PTPRT: variants seen among roughly 807,000 people sequenced by gnomAD.
PTPRT encodes the protein receptor-type tyrosine-protein phosphatase T.
PTPRT carries 56 observed loss-of-function variants against 176.8 expected under a neutral mutation model. The ratio of observed to expected loss-of-function variants is 0.32; its 90% confidence interval spans 0.26 to 0.40. The LOEUF (loss-of-function observed/expected upper bound fraction) is 0.40, where lower values mean the gene tolerates loss of function less well. Ranked by LOEUF, PTPRT falls within the 10% of genes least tolerant of loss-of-function variation. The probability of loss-of-function intolerance (pLI) is 1.00; values close to 1 mark genes in which losing one functional copy is unlikely to be tolerated. For missense variants in PTPRT, 1,540 were observed against 1,908.2 expected, an observed-to-expected ratio of 0.81 and a Z score of 3.60; for synonymous variants, 783 against 739.0, an observed-to-expected ratio of 1.06 and a Z score of -0.96.
intron 7 of PTPRT, among the ~76,000 whole-genome samples, chr20:42,657,938 T>C (rs1178423766): frequency 8.6e-5 from 13 of 151,878 alleles, no homozygotes; most frequent in African/African-American, 2.7e-4. Context: ...TTTTTTTTTT[T>C]TACCTTTTCT....
chr20:42,241,300 T>C (rs1188774873), intron 14 of PTPRT, among the ~76,000 whole-genome samples: 4 of 151,878 alleles, frequency 2.6e-5, no homozygotes, highest in East Asian at 3.9e-4. Context: ...AGAAGTCAGA[T>C]GGAGGAGAGG....
intron 28 of PTPRT, 93 bp from the exon 29 acceptor site, chr20:42,084,938 A>T (rs996811349): frequency 7.3e-5 from 81 of 1,109,590 alleles, no homozygotes; most frequent in Non-Finnish European, 9.4e-5. Flanking sequence ...ATCATGGTGG[A>T]AGACAGACCA....
chr20:42,120,934 A>T (rs1987554918), intron 19 of PTPRT, among the ~76,000 whole-genome samples: 1 of 152,228 alleles, frequency 6.6e-6, no homozygotes, highest in Admixed American at 6.5e-5. Flanking sequence ...AAATCCACTT[A>T]GCTTTTATGG....
intron 19 of PTPRT, among the ~76,000 whole-genome samples, chr20:42,121,703 AT>A (rs1257525022): frequency 2.1e-4 from 31 of 148,530 alleles, no homozygotes; most frequent in Non-Finnish European, 7.4e-5. Context: ...TTTTTTATAT[AT>A]ATATATATAT....
At chr20:42,446,769 T>G (rs2145848389) in intron 9 of PTPRT, among the ~76,000 whole-genome samples, 1 of 152,264 alleles carries the variant, frequency 6.6e-6, no homozygotes, top group South Asian at 2.1e-4. Flanking sequence ...TATGAGTACC[T>G]GCCCTCCTCT....
chr20:42,338,615 T>C (rs567222553), intron 11 of PTPRT, among the ~76,000 whole-genome samples: 16 of 152,284 alleles, frequency 1.1e-4, no homozygotes, highest in African/African-American at 3.6e-4. Flanking sequence ...AATTGAACAA[T>C]AGGCTGAAAC....
intron 7 of PTPRT, among the ~76,000 whole-genome samples, chr20:42,514,966 C>A (rs2072033798): frequency 6.6e-6 from 1 of 152,154 alleles, no homozygotes; most frequent in African/African-American, 2.4e-5. Context: ...GGGAGGGCAG[C>A]AATCTTCATG....
intron 15 of PTPRT, among the ~76,000 whole-genome samples, chr20:42,232,322 A>C (rs2056150298): frequency 6.6e-6 from 1 of 152,240 alleles, no homozygotes; most frequent in South Asian, 2.1e-4. Context: ...CCTATTTTAT[A>C]GATAAGACAA....
At chr20:42,298,605 C>A (rs1318891675) in intron 12 of PTPRT, among the ~76,000 whole-genome samples, 1 of 152,122 alleles carries the variant, frequency 6.6e-6, no homozygotes, top group Non-Finnish European at 1.5e-5. Flanking sequence ...ATGAGAGTGG[C>A]CAAATAAACA....
chr20:42,657,558 T>C (rs1008316543), intron 7 of PTPRT, among the ~76,000 whole-genome samples: 12 of 151,056 alleles, frequency 7.9e-5, no homozygotes, highest in African/African-American at 2.7e-4. Flanking sequence ...CATTTATTAG[T>C]ATGGCTTTGT....
chr20:42,833,593 A>G lies in PTPRT; in HGVS notation c.215-42127T>C, dbSNP rs180788160. 2.5e-3 allele frequency among the ~76,000 whole-genome samples: 387 copies of G among 151,924 alleles called. 2 individuals are homozygous for G. The highest frequency in any genetic ancestry group is 2.8e-3 in the Admixed American group (43 of 15,212). On this transcript the variant is annotated intron_variant, in intron 2 of 30. Coordinates refer to ENST00000373187, the MANE Select transcript of PTPRT (RefSeq NM_007050.6). ...GCGAGGCCCCATCTCATTTAAGGAAAAAAAGACTAAACATTTACAAGATAA... is the reference window on the plus strand; with the variant it reads ...GCGAGGCCCCATCTCATTTAAGGAAGAAAAGACTAAACATTTACAAGATAA...
intron 9 of PTPRT, among the ~76,000 whole-genome samples, chr20:42,437,142 C>G (rs1461406639): frequency 6.6e-6 from 1 of 152,132 alleles, no homozygotes; most frequent in Non-Finnish European, 1.5e-5. Context: ...GTGTTGTCAG[C>G]ATTCTGGTTG....
chr20:42,338,162 T>C (rs933420102), intron 11 of PTPRT, among the ~76,000 whole-genome samples: 2 of 152,250 alleles, frequency 1.3e-5, no homozygotes, highest in African/African-American at 4.8e-5. Context: ...AGTTTATGCT[T>C]TTTCAATTAG....
chr20:42,589,138 C>T (rs1056862158), intron 7 of PTPRT, among the ~76,000 whole-genome samples: 52 of 152,276 alleles, frequency 3.4e-4, no homozygotes, highest in South Asian at 1.0e-3. Flanking sequence ...TGGGCAGCAG[C>T]GAACCCCACT....
intron 24 of PTPRT, among the ~76,000 whole-genome samples, chr20:42,105,881 T>C (rs1318965600): frequency 6.6e-6 from 1 of 152,182 alleles, no homozygotes; most frequent in Non-Finnish European, 1.5e-5. Context: ...TCCCTATCTG[T>C]CCCAGCTCTG....
At chr20:42,034,045 G>A in the PTPRT span, among the ~76,000 whole-genome samples, 2 of 152,060 alleles carry the variant, frequency 1.3e-5, no homozygotes, top group Admixed American at 6.5e-5. Flanking sequence ...GACTTACCCC[G>A]AAATTTAGCA....
intron 2 of PTPRT, among the ~76,000 whole-genome samples, chr20:42,821,795 T>A (rs2077899381): frequency 1.3e-5 from 2 of 152,174 alleles, no homozygotes; most frequent in Non-Finnish European, 2.9e-5. Context: ...AAATCATGAA[T>A]GAACTCCCAT....
intron 9 of PTPRT, among the ~76,000 whole-genome samples, chr20:42,363,300 A>ATATTTT (rs1248285783): frequency 6.5e-5 from 2 of 30,558 alleles, no homozygotes; most frequent in African/African-American, 3.4e-4. Context: ...ATATATATAT[A>ATATTTT]TTTTTTTTTT....
chr20:42,542,740 A>G (rs2072605732), intron 7 of PTPRT, among the ~76,000 whole-genome samples: 1 of 152,224 alleles, frequency 6.6e-6, no homozygotes, highest in Non-Finnish European at 1.5e-5. Flanking sequence ...AACTACTTAT[A>G]TATCTATTAG....
Sources: allele counts gnomAD v4.1 joint callset (sites outside exome capture counted in the v4.1 genomes callset), GRCh38; gene constraint gnomAD v4.1.1; transcripts MANE v1.5; gene names NCBI Gene and HGNC (gene_info 2026-07-23, HGNC 2026-07-21).